KCNAB2: variants seen among roughly 807,000 people sequenced by gnomAD.
The protein encoded by KCNAB2 is potassium voltage-gated channel subfamily A regulatory beta subunit 2.
In KCNAB2, 29 loss-of-function variants were observed where a neutral mutation model predicts 63.6. The observed-to-expected ratio is 0.46, with a 90% CI of 0.34 to 0.62. KCNAB2 has a LOEUF of 0.62. Among genes scored for constraint, KCNAB2 ranks in the 20% least tolerant of loss-of-function variants. KCNAB2 has a pLI of 0.01. For synonymous variants in KCNAB2, 222 were observed against 224.2 expected (o/e 0.99, Z 0.09); for missense variants, 359 against 563.9 (o/e 0.64, Z 3.68).
At chr1:6,060,901 C>CAAA (rs58592769) in intron 2 of KCNAB2, among the ~76,000 whole-genome samples, 4 of 85,162 alleles carry the variant, frequency 4.7e-5, no homozygotes, top group Non-Finnish European at 7.7e-5. Context: ...GACTCCGTCT[C>CAAA]AAAAAAAAAA....
intron 15 of KCNAB2, 147 bp from the exon 16 acceptor site, chr1:6,098,338 C>G (rs1665818164): frequency 2.8e-6 from 4 of 1,451,780 alleles, no homozygotes; most frequent in Non-Finnish European, 3.6e-6. Flanking sequence ...GCAGCGTGGC[C>G]TCCATCTGCC....
chr1:6,072,931 G>A lies in KCNAB2; in HGVS notation c.262+133G>A. 5.3e-6 allele frequency: 4 copies of A among 750,126 alleles called. No homozygotes were observed. In the Admixed American group the frequency reaches 7.9e-5, roughly 15 times the overall value. 46.5% of individuals were successfully genotyped at this position (750,126 alleles called of 1,614,324 possible). A position where few individuals can be genotyped will look rare whatever the true frequency, so the allele number is the denominator to read the frequency against. On this transcript the variant is annotated intron_variant, in intron 3 of 15. Transcript: ENST00000378083. ...ACTCCCCAGGGAGTAGCTGCACCCA[G>A]AGCCCAGGATTCAGGGGGGCTCGGT...
chr1:6,037,297 G>A (rs545472071), intron 1 of KCNAB2, among the ~76,000 whole-genome samples: 1 of 152,344 alleles, frequency 6.6e-6, no homozygotes, highest in Admixed American at 6.5e-5. Context: ...AGTGAAGTGT[G>A]GGGTGGGCTA....
At chr1:6,051,831 C>T (rs941595896) in intron 2 of KCNAB2, 77 bp downstream of exon 2, 36 of 1,424,620 alleles carry the variant, frequency 2.5e-5, no homozygotes, top group Middle Eastern at 2.5e-4. Context: ...GGGCTGGGCA[C>T]GGTGGTTCAC....
Position 6,086,489 on chromosome 1 carries a change from C to T in KCNAB2, c.426-978C>T, listed in dbSNP as rs1335015598. On this transcript the variant is annotated intron_variant, in intron 6 of 15. Transcript: ENST00000378083. The surrounding 1 kb of genome is among the most constrained non-coding windows in gnomAD (Gnocchi z 4.2). ...GCCGATGCTTCGGGGCAGAGGAGGC[C>T]TCCTACTCCAGCCTCGTGAGCTGCT... 2 of 649,196 alleles carry T rather than the reference C, an allele frequency of 3.1e-6. No homozygotes were observed. Among genetic ancestry groups the T allele is most frequent in the South Asian group, 6.8e-5 (1 of 14,650 alleles). 40.2% of individuals were successfully genotyped at this position (649,196 alleles called of 1,614,324 possible).
At chr1:6,018,238 G>C (rs1658628515) in intron 1 of KCNAB2, among the ~76,000 whole-genome samples, 2 of 152,152 alleles carry the variant, frequency 1.3e-5, no homozygotes, top group South Asian at 4.1e-4. Context: ...CGCCCAGCCA[G>C]GCAAATGTTT....
upstream of KCNAB2, among the ~76,000 whole-genome samples, chr1:6,044,109 C>T (rs1470903443): frequency 2.9e-4 from 44 of 152,176 alleles, 1 homozygote; most frequent in Admixed American, 2.9e-3. Context: ...CCTCTGCTCA[C>T]GTGCTTTTGG....
Position 6,087,651 on chromosome 1 carries a change from T to C in KCNAB2, c.470+140T>C, listed in dbSNP as rs1318181435. On this transcript the variant is annotated intron_variant, in intron 7 of 15. Transcript: ENST00000378083. This position sits in a 1 kb window ranked among gnomAD's most constrained non-coding sequence, Gnocchi z 6.4. ...GAGAAGGGAGAGTGGTCGGGGTCTG[T>C]CCTGGACAGGCCCCGGCCCAGTGCC... is the stretch of plus-strand genomic sequence containing the variant. The C allele has an allele frequency of 2.3e-6, 2 of 858,140 alleles. No homozygotes were observed. 53.2% of individuals were successfully genotyped at this position (858,140 alleles called of 1,614,324 possible).
intron 1 of KCNAB2, among the ~76,000 whole-genome samples, chr1:6,019,941 G>C (rs569771778): frequency 1.4e-4 from 22 of 152,340 alleles, no homozygotes; most frequent in African/African-American, 5.1e-4. Flanking sequence ...GCAGGTGAAA[G>C]TTATGAGGAA....
chr1:6,095,461 C>G lies in KCNAB2; in HGVS notation c.853+18C>G, dbSNP rs1473860066. On this transcript the variant is annotated intron_variant, in intron 12 of 15. Transcript: ENST00000378083. ...CAAGATAGGTGGGCACCCTCGGGCC[C>G]CTCGCCCCGCCCCACCCCACCCCTG... 4 of 1,612,310 alleles carry G rather than the reference C, an allele frequency of 2.5e-6. No individual in the cohort carries two copies. Among genetic ancestry groups the G allele is most frequent in the Non-Finnish European group, 3.4e-6 (4 of 1,179,722 alleles).
upstream of KCNAB2, among the ~76,000 whole-genome samples, chr1:6,033,281 G>A (rs1570908849): frequency 7.6e-6 from 1 of 132,324 alleles, no homozygotes; most frequent in Non-Finnish European, 1.7e-5. Flanking sequence ...GCATGTGCGT[G>A]TGTGGGCATG....
chr1:5,998,228 A>G (rs1657043284), intron 1 of KCNAB2, among the ~76,000 whole-genome samples: 1 of 152,356 alleles, frequency 6.6e-6, no homozygotes, highest in South Asian at 2.1e-4. Context: ...AGGGGAGGGC[A>G]TCAGGGCCAA....
At chr1:6,094,304 TCCTCCCAGCGTC>T in intron 10 of KCNAB2, 84 bp from the exon 11 acceptor site, 1 of 885,076 alleles carries the variant, frequency 1.1e-6, no homozygotes, top group Non-Finnish European at 1.8e-6. Context: ...CCCCTGTCCC[TCCTCCCAGCGTC>T]CTGCCTGTAT....
chr1:6,019,217 A>C (rs899985411), intron 1 of KCNAB2, among the ~76,000 whole-genome samples: 2 of 152,182 alleles, frequency 1.3e-5, no homozygotes, highest in Non-Finnish European at 2.9e-5. Flanking sequence ...ACTTGAGCCC[A>C]GGAGTTCAAG....
intron 1 of KCNAB2, among the ~76,000 whole-genome samples, chr1:6,040,329 G>A (rs115331458): frequency 0.015 from 2,257 of 152,180 alleles, 51 homozygotes; most frequent in African/African-American, 0.049. Flanking sequence ...TCCTGAGCCC[G>A]TGGACCTGCC....
rs550760053 is a variant in KCNAB2, at chr1:6,074,761, C to A, written c.300+991C>A. On this transcript the variant is annotated intron_variant, in intron 4 of 15. Transcript: ENST00000378083. The surrounding 1 kb of genome is among the most constrained non-coding windows in gnomAD (Gnocchi z 4.9). ...GATCACCTGAGGTCAGGAGTTCCAG[C>A]CTGGCCAACATGGTGAAACCCCATG... Among the ~76,000 whole-genome samples the A allele has an allele frequency of 1.2e-4, 18 of 152,196 alleles. No homozygotes were observed. Among genetic ancestry groups the A allele is most frequent in the Admixed American group, 1.1e-3 (17 of 15,294 alleles).
chr1:6,069,653 C>T lies in KCNAB2; in HGVS notation c.219-3102C>T, dbSNP rs1367823372. On this transcript the variant is annotated intron_variant, in intron 2 of 15. Transcript: ENST00000378083. This position sits in a 1 kb window ranked among gnomAD's most constrained non-coding sequence, Gnocchi z 5.4. ...GGGAAGTTTCAAGTACAGCAGGGAGCAGCCCCATCCAGACCCGGCTGAGAC... is the reference window on the plus strand; with the variant it reads ...GGGAAGTTTCAAGTACAGCAGGGAGTAGCCCCATCCAGACCCGGCTGAGAC... 6.6e-6 allele frequency among the ~76,000 whole-genome samples: 1 copy of T among 152,178 alleles called. No homozygotes were observed. Among genetic ancestry groups the T allele is most frequent in the Non-Finnish European group, 1.5e-5 (1 of 68,032 alleles).
Position 6,051,773 on chromosome 1 carries a change from G to T in KCNAB2, c.218+19G>T. ...AGTATCGGTAAGGGCCGGGCAGGGGGGCGGTGGGGTGGGAAGTCTGATTTC... is the reference window on the plus strand; with the variant it reads ...AGTATCGGTAAGGGCCGGGCAGGGGTGCGGTGGGGTGGGAAGTCTGATTTC... On this transcript the variant is annotated intron_variant, in intron 2 of 15. Transcript: ENST00000378083. The T allele has an allele frequency of 6.6e-7, 1 of 1,519,182 alleles. No homozygotes were observed. Among genetic ancestry groups the T allele is most frequent in the East Asian group, 2.5e-5 (1 of 40,504 alleles). 94.1% of individuals were successfully genotyped at this position (1,519,182 alleles called of 1,614,324 possible).
chr1:6,032,573 T>TAA (rs35229378), upstream of KCNAB2, among the ~76,000 whole-genome samples: 144 of 134,544 alleles, frequency 1.1e-3, no homozygotes, highest in East Asian at 8.0e-3. Context: ...GAGACTCTGT[T>TAA]AAAAAAAAAA....
Sources: allele counts gnomAD v4.1 joint callset (sites outside exome capture counted in the v4.1 genomes callset), GRCh38; gene constraint gnomAD v4.1.1; non-coding constraint Gnocchi (gnomAD v3.1); transcripts MANE v1.5; gene names NCBI Gene and HGNC (gene_info 2026-07-23, HGNC 2026-07-21).